DOP1B: variants seen among roughly 807,000 people sequenced by gnomAD.
The protein encoded by DOP1B is DOP1 leucine zipper like protein B.
Under a neutral mutation model 233.5 loss-of-function variants are expected in DOP1B, and 174 were observed. The ratio of observed to expected loss-of-function variants is 0.75; its 90% CI spans 0.66 to 0.85. The LOEUF (loss-of-function observed/expected upper bound fraction) is 0.85, where lower values mean the gene tolerates loss of function less well. DOP1B is among the 40% of genes least tolerant of loss of function. The pLI is 0.00. For missense variants in DOP1B, 2,652 were observed against 2,846.6 expected (o/e 0.93, Z 1.56); for synonymous variants, 1,190 against 1,185.6 (o/e 1.00, Z -0.08).
chr21:36,200,879 A>G (rs902163530), intron 4 of DOP1B, among the ~76,000 whole-genome samples: 15 of 150,772 alleles, frequency 9.9e-5, no homozygotes, highest in African/African-American at 3.4e-4. Context: ...GTGCAGAGAC[A>G]TGGGAAGCAG....
intron 26 of DOP1B, among the ~76,000 whole-genome samples, chr21:36,268,959 C>T (rs1286198667): frequency 3.3e-5 from 5 of 152,152 alleles, no homozygotes; most frequent in East Asian, 1.9e-4. Context: ...TGAGCCACCG[C>T]GCCCGGCTGC....
chr21:36,192,817 A>G (rs1326970985), intron 2 of DOP1B, among the ~76,000 whole-genome samples: 1 of 151,876 alleles, frequency 6.6e-6, no homozygotes, highest in East Asian at 1.9e-4. Flanking sequence ...CCTCCCGAGT[A>G]GCTGGGACTA....
chr21:36,190,639 C>G (rs2066222935), intron 2 of DOP1B, among the ~76,000 whole-genome samples: 1 of 152,348 alleles, frequency 6.6e-6, no homozygotes, highest in Admixed American at 6.5e-5. Flanking sequence ...CTCAAGCGAT[C>G]TACCTGCCTC....
chr21:36,200,829 A>C (rs2066355913), intron 4 of DOP1B, among the ~76,000 whole-genome samples: 1 of 148,724 alleles, frequency 6.7e-6, no homozygotes, highest in Non-Finnish European at 1.5e-5. Context: ...GACAACAGAG[A>C]CTCTGTCTCG....
Position 36,255,422 on chromosome 21 carries a change from C to T in DOP1B, c.5259+1513C>T, listed in dbSNP as rs555725637. Among the ~76,000 whole-genome samples, 12 of 149,560 alleles carry T rather than the reference C, an allele frequency of 8.0e-5. No homozygotes were observed. The South Asian group carries it at 2.1e-3, about 26-fold the overall frequency. On this transcript the variant is annotated intron_variant, in intron 23 of 36. Coordinates refer to ENST00000691173, the MANE Select transcript of DOP1B (RefSeq NM_001320714.2). Reference sequence around the variant, plus strand: ...GATTACAGGCGTGAGCCACCGTGCCCGGCCAAAATTTGCATAATTTTTTTT... The same window carrying T: ...GATTACAGGCGTGAGCCACCGTGCCTGGCCAAAATTTGCATAATTTTTTTT...
At position 36,242,151 on chromosome 21, in the gene DOP1B, C is replaced by CATTATTGTTGTTATTATTATTATTATT. The variant is rs60892353; in HGVS notation, c.3067+2202_3067+2203insGTTGTTATTATTATTATTATTATTATT. 9.7e-5 allele frequency among the ~76,000 whole-genome samples: 14 copies of CATTATTGTTGTTATTATTATTATTATT among 143,982 alleles called. No individual in the cohort carries two copies. The East Asian group carries it at 1.2e-3, about 13-fold the overall frequency. The allele number at this position is 143,982 out of a possible 152,430, so 94.5% of individuals were successfully genotyped here. A position where few individuals can be genotyped will look rare whatever the true frequency, so the allele number is the denominator to read the frequency against. ...AGCTCTATCTCCACAGTTCCTTGGG[C>CATTATTGTTGTTATTATTATTATTATT]ATTATTATTATTATTATTATTATTA... On this transcript the variant is annotated intron_variant, in intron 18 of 36. Coordinates refer to ENST00000691173, the MANE Select transcript of DOP1B (RefSeq NM_001320714.2).
At chr21:36,287,962 G>A in intron 32 of DOP1B, 52 bp from the exon 33 acceptor site, 1 of 1,574,842 alleles carries the variant, frequency 6.3e-7, no homozygotes, top group Non-Finnish European at 8.6e-7. Flanking sequence ...TGTCTGATAA[G>A]AAACCCTAAA....
At chr21:36,183,378 C>T (rs1334790363) in intron 2 of DOP1B, among the ~76,000 whole-genome samples, 5 of 152,232 alleles carry the variant, frequency 3.3e-5, no homozygotes, top group South Asian at 2.1e-4. Flanking sequence ...TACATTGCTT[C>T]ATTTAAACCT....
chr21:36,288,827 T>A lies in DOP1B; in HGVS notation c.6353+16T>A, dbSNP rs763186361. 2 of 1,603,702 alleles carry A rather than the reference T, an allele frequency of 1.2e-6. No individual in the cohort carries two copies. The highest frequency in any genetic ancestry group is 1.7e-6 in the Non-Finnish European group (2 of 1,171,136). ...AGTCATTGAGGTAAGCAGTACAAGA[T>A]CTGTACACAAGAGGAAAAGATAGTC... On this transcript the variant is annotated intron_variant, in intron 34 of 36. Coordinates refer to ENST00000691173, the MANE Select transcript of DOP1B (RefSeq NM_001320714.2).
At chr21:36,226,724 T>A (rs1443130533) in intron 12 of DOP1B, among the ~76,000 whole-genome samples, 1 of 152,086 alleles carries the variant, frequency 6.6e-6, no homozygotes, top group East Asian at 1.9e-4. Flanking sequence ...CTCCCAAGTG[T>A]CTGAGACCAC....
chr21:36,243,281 A>G (rs1056029809), intron 18 of DOP1B, among the ~76,000 whole-genome samples: 3 of 151,914 alleles, frequency 2.0e-5, no homozygotes, highest in Non-Finnish European at 4.4e-5. Context: ...TGCCCGGCTC[A>G]TGGCATAGAT....
rs528159065 is a variant in DOP1B at position 36,288,646 on chromosome 21, G to A, written c.6298-110G>A. ...AGACTGGGTGACAGAGTAAGACCCC[G>A]TCTTATTCATTCATTCATAAATTAA... On this transcript the variant is annotated intron_variant, in intron 33 of 36. Transcript: ENST00000691173. The A allele has an allele frequency of 1.5e-4, 121 of 819,014 alleles. No homozygotes were observed. In the African/African-American group the frequency reaches 1.6e-3, roughly 11 times the overall value. 50.7% of individuals were successfully genotyped at this position (819,014 alleles called of 1,614,324 possible).
intron 5 of DOP1B, among the ~76,000 whole-genome samples, chr21:36,210,911 C>G (rs568192400): frequency 3.9e-5 from 6 of 152,346 alleles, no homozygotes; most frequent in Non-Finnish European, 7.3e-5. Context: ...CACAGCACCT[C>G]ACTCTTCCCT....
Position 36,247,608 on chromosome 21 carries a change from C to T in DOP1B, c.4789C>T (p.Gln1597Ter), listed in dbSNP as rs1298956821. 3.8e-6 allele frequency: 6 copies of T among 1,595,888 alleles called. No individual in the cohort carries two copies. Among genetic ancestry groups the T allele is most frequent in the Non-Finnish European group, 5.1e-6 (6 of 1,176,008 alleles). ...TTISHFCLLE[Q>*]ANQNKKTMAA... Reference sequence around the variant, plus strand: ...CATTAGTCATTTTTGTCTTTTGGAACAAGCCAACCAAAACAAAAAGGTAAA... The same window carrying T: ...CATTAGTCATTTTTGTCTTTTGGAATAAGCCAACCAAAACAAAAAGGTAAA... The change falls in exon 20 of 37, where the codon CAA (glutamine) becomes TAA (stop). Residue 1597 changes from glutamine (Q) to a stop codon, truncating the protein, a stop_gained. Coordinates refer to ENST00000691173, the MANE Select transcript of DOP1B (RefSeq NM_001320714.2). LOFTEE classifies it high-confidence loss of function.
chr21:36,276,347 A>G (rs553263272), intron 27 of DOP1B, among the ~76,000 whole-genome samples: 34 of 152,204 alleles, frequency 2.2e-4, no homozygotes, highest in African/African-American at 8.2e-4. Context: ...CCTGGGCAAC[A>G]TAGCAAGACT....
At chr21:36,184,558 G>T (rs770547165) in intron 2 of DOP1B, among the ~76,000 whole-genome samples, 2 of 152,196 alleles carry the variant, frequency 1.3e-5, no homozygotes, top group African/African-American at 2.4e-5. Context: ...CTGCTTCCGT[G>T]CAGGTAGCTT....
chr21:36,191,570 G>A (rs867022070), intron 2 of DOP1B, among the ~76,000 whole-genome samples: 1 of 152,184 alleles, frequency 6.6e-6, no homozygotes, highest in African/African-American at 2.4e-5. Flanking sequence ...TGAATCACTT[G>A]AGGTCAGGAG....
intron 9 of DOP1B, among the ~76,000 whole-genome samples, chr21:36,217,978 A>G (rs1430884211): frequency 1.3e-5 from 2 of 152,230 alleles, no homozygotes; most frequent in East Asian, 3.8e-4. Context: ...AAGCAAATGA[A>G]TATCACGCTC....
At chr21:36,199,320 G>A in intron 3 of DOP1B, 69 bp downstream of exon 3, 1 of 1,541,866 alleles carries the variant, frequency 6.5e-7, no homozygotes. Flanking sequence ...CACAAGATGA[G>A]AAAATGACAA....
Sources: gnomAD v4.1 joint callset for allele counts (sites outside exome capture counted in the v4.1 genomes callset) on GRCh38, gnomAD v4.1.1 for gene constraint, MANE v1.5 for transcripts, NCBI Gene and HGNC (gene_info 2026-07-23, HGNC 2026-07-21) for gene names.